The following AGK variants were observed in gnomAD, a reference collection of about 807,000 sequenced individuals.
The protein encoded by AGK is acylglycerol kinase.
In AGK, 52 loss-of-function variants were observed where a neutral mutation model predicts 66.4. That is an observed-to-expected ratio of 0.78 (90% CI 0.63 to 0.99). The LOEUF (loss-of-function observed/expected upper bound fraction) is 0.99, where lower values mean the gene tolerates loss of function less well. Among genes scored for constraint, AGK ranks in the 50% least tolerant of loss-of-function variants. AGK has a pLI of 0.00. For synonymous variants in AGK, 182 were observed against 181.1 expected (o/e 1.00, Z -0.04); for missense variants, 451 against 506.6 (o/e 0.89, Z 1.05).
chr7:141,609,337 G>A (rs1796529250), intron 5 of AGK, among the ~76,000 whole-genome samples: 1 of 152,140 alleles, frequency 6.6e-6, no homozygotes. Flanking sequence ...TTGGGGAAAT[G>A]GTCACCTGTT....
At position 141,584,744 on chromosome 7, in the gene AGK, T is replaced by C. The variant is rs186438309; in HGVS notation, c.102-8402T>C. Among the ~76,000 whole-genome samples the C allele has an allele frequency of 3.8e-3, 579 of 152,342 alleles. 4 individuals are homozygous for C. The highest frequency in any genetic ancestry group is 0.027 in the Middle Eastern group (8 of 294). On this transcript the variant is annotated intron_variant, in intron 2 of 15. Coordinates refer to ENST00000649286, the MANE Select transcript of AGK (RefSeq NM_018238.4). ...TTTGATAGTAGAATTTTTAGCTGTT[T>C]TTCTTTTGCTAAACTTTTCACCATC...
chr7:141,557,623 C>T (rs752488825), intron 2 of AGK, among the ~76,000 whole-genome samples: 3 of 152,148 alleles, frequency 2.0e-5, no homozygotes, highest in Non-Finnish European at 4.4e-5. Context: ...AAAAAAGGAC[C>T]ATTAAGTCTT....
At chr7:141,649,142 A>G in intron 13 of AGK, 121 bp from the exon 14 acceptor site, 1 of 515,206 alleles carries the variant, frequency 1.9e-6, no homozygotes, top group Non-Finnish European at 3.5e-6. Flanking sequence ...TTAAATCACT[A>G]CAAGTAGAGT....
At chr7:141,638,441 C>A (rs566648353) in intron 11 of AGK, among the ~76,000 whole-genome samples, 1 of 151,806 alleles carries the variant, frequency 6.6e-6, no homozygotes, top group African/African-American at 2.4e-5. Flanking sequence ...TGACTTTTAT[C>A]CTTAAAGCAA....
intron 2 of AGK, among the ~76,000 whole-genome samples, chr7:141,584,447 A>G (rs768101465): frequency 1.3e-5 from 2 of 152,308 alleles, no homozygotes; most frequent in Admixed American, 6.5e-5. Flanking sequence ...CTGACACTCA[A>G]TGTAAATCTT....
chr7:141,599,653 C>T (rs1796301331), intron 4 of AGK, among the ~76,000 whole-genome samples: 1 of 152,100 alleles, frequency 6.6e-6, no homozygotes, highest in Admixed American at 6.6e-5. Flanking sequence ...GATCCACTTC[C>T]AACTGATCCT....
At chr7:141,615,636 C>T in intron 8 of AGK, 71 bp downstream of exon 8, 1 of 1,193,124 alleles carries the variant, frequency 8.4e-7, no homozygotes, top group Admixed American at 1.7e-5. Context: ...TATGTGTATG[C>T]TATAACTTTC....
At chr7:141,556,475 A>T (rs1304063951) in intron 2 of AGK, among the ~76,000 whole-genome samples, 1 of 147,236 alleles carries the variant, frequency 6.8e-6, no homozygotes, top group Non-Finnish European at 1.5e-5. Context: ...TGGGAGGTGG[A>T]GGTTGTGGTG....
chr7:141,632,230 TA>T (rs796882982), intron 9 of AGK, among the ~76,000 whole-genome samples: 2,293 of 126,982 alleles, frequency 0.018, 52 homozygotes, highest in African/African-American at 0.054. Context: ...AAACTCCGTC[TA>T]AAAAAAAAAA....
At chr7:141,587,858 A>C (rs1587095817) in intron 2 of AGK, among the ~76,000 whole-genome samples, 2 of 152,232 alleles carry the variant, frequency 1.3e-5, no homozygotes, top group South Asian at 4.1e-4. Context: ...CAGCGTGTCC[A>C]AGACACCCAG....
At chr7:141,608,219 T>A (rs1368970170) in intron 5 of AGK, among the ~76,000 whole-genome samples, 1 of 152,180 alleles carries the variant, frequency 6.6e-6, no homozygotes, top group African/African-American at 2.4e-5. Flanking sequence ...GAAGAAAGAT[T>A]AAGCAGGGTA....
At chr7:141,646,707 G>T (rs1161880035) in intron 13 of AGK, among the ~76,000 whole-genome samples, 1 of 152,078 alleles carries the variant, frequency 6.6e-6, no homozygotes, top group African/African-American at 2.4e-5. Flanking sequence ...CCCGTTACGT[G>T]TGGAAATTGT....
intron 2 of AGK, among the ~76,000 whole-genome samples, chr7:141,587,308 C>T (rs1796014658): frequency 6.6e-6 from 1 of 152,184 alleles, no homozygotes. Flanking sequence ...CTGAGGGAGC[C>T]TCTGAAGTTT....
chr7:141,621,663 C>T (rs367592307), intron 8 of AGK, 69 bp from the exon 9 acceptor site: 1 of 955,754 alleles, frequency 1.0e-6, no homozygotes. Flanking sequence ...TGCATGAGTG[C>T]ATGTGGCAGT....
At chr7:141,569,329 A>T (rs906339342) in intron 2 of AGK, among the ~76,000 whole-genome samples, 3 of 152,006 alleles carry the variant, frequency 2.0e-5, no homozygotes, top group African/African-American at 7.3e-5. Flanking sequence ...AGGTCAGGAG[A>T]TCAAGACCAT....
At chr7:141,588,027 G>A (rs1796029659) in intron 2 of AGK, among the ~76,000 whole-genome samples, 1 of 152,150 alleles carries the variant, frequency 6.6e-6, no homozygotes, top group Non-Finnish European at 1.5e-5. Flanking sequence ...AAATGAGTTT[G>A]TTTCAACAAC....
intron 2 of AGK, among the ~76,000 whole-genome samples, chr7:141,577,819 T>C (rs1795781822): frequency 1.7e-5 from 2 of 121,202 alleles, no homozygotes; most frequent in South Asian, 3.1e-4. Context: ...ATAAATCTTC[T>C]TTTTTTTTTT....
At chr7:141,577,818 CT>C (rs71172606) in intron 2 of AGK, among the ~76,000 whole-genome samples, 3,111 of 136,380 alleles carry the variant, frequency 0.023, 79 homozygotes, top group African/African-American at 0.074. Context: ...CATAAATCTT[CT>C]TTTTTTTTTT....
At position 141,555,839 on chromosome 7, in the gene AGK, T is replaced by A. The variant is rs1488783849; in HGVS notation, c.101+272T>A. 6.6e-6 allele frequency among the ~76,000 whole-genome samples: 1 copy of A among 152,198 alleles called. No individual in the cohort carries two copies. The highest frequency in any genetic ancestry group is 1.5e-5 in the Non-Finnish European group (1 of 68,034). ...ATTTATAGTGGAAGAGATTAAGACA[T>A]CTTAGAGAAAGAGAAGTCCTTTCCC... On this transcript the variant is annotated intron_variant, in intron 2 of 15. Transcript: ENST00000649286. The surrounding 1 kb of genome is among the most constrained non-coding windows in gnomAD (Gnocchi z 4.2).
Sources: allele counts gnomAD v4.1 joint callset (sites outside exome capture counted in the v4.1 genomes callset), GRCh38; gene constraint gnomAD v4.1.1; non-coding constraint Gnocchi (gnomAD v3.1); transcripts MANE v1.5; gene names NCBI Gene and HGNC (gene_info 2026-07-23, HGNC 2026-07-21).